CEP63: variants seen among roughly 807,000 people sequenced by gnomAD.
CEP63 encodes centrosomal protein of 63 kDa.
Under a neutral mutation model 89.1 loss-of-function variants are expected in CEP63, and 84 were observed. The observed-to-expected ratio is 0.94, with a 90% CI of 0.79 to 1.13. The LOEUF is 1.13. CEP63 is among the 50% of genes most tolerant of loss of function. The probability of loss-of-function intolerance (pLI) is 0.00; values close to 1 mark genes in which losing one functional copy is unlikely to be tolerated. For synonymous variants in CEP63, 267 were observed against 272.5 expected, an observed-to-expected ratio of 0.98 and a Z score of 0.20; for missense variants, 838 against 813.3, an observed-to-expected ratio of 1.03 and a Z score of -0.37.
At chr3:134,512,791 G>A (rs1195383178) in intron 3 of CEP63, among the ~76,000 whole-genome samples, 2 of 152,122 alleles carry the variant, frequency 1.3e-5, no homozygotes, top group Non-Finnish European at 1.5e-5. Context: ...TTCCAGGAGT[G>A]TATATCTTAA....
At chr3:134,488,199 A>G (rs968722841) in intron 1 of CEP63, 5 of 152,268 alleles carry the variant, frequency 3.3e-5, no homozygotes, top group Non-Finnish European at 5.9e-5. Flanking sequence ...TAAACTGCGC[A>G]TGCAAGGAAT....
Position 134,515,207 on chromosome 3 carries a change from T to C in CEP63, c.222+7921T>C, listed in dbSNP as rs548743348. 8.6e-5 allele frequency among the ~76,000 whole-genome samples: 13 copies of C among 152,044 alleles called. No homozygotes were observed. The South Asian group carries it at 2.5e-3, about 29-fold the overall frequency. On this transcript the variant is annotated intron_variant, in intron 3 of 14. Transcript: ENST00000675561. ...TATTAGTAGAGAATATCTTCCATGCTAATAGAGAAAAATGGAATGATAAAA... is the reference window on the plus strand; with the variant it reads ...TATTAGTAGAGAATATCTTCCATGCCAATAGAGAAAAATGGAATGATAAAA...
intron 6 of CEP63, among the ~76,000 whole-genome samples, chr3:134,542,937 G>A (rs374079101): frequency 2.9e-3 from 53 of 18,208 alleles, no homozygotes; most frequent in African/African-American, 8.1e-3. Context: ...TTAGTGGTTA[G>A]TGCAAAAAAA....
intron 11 of CEP63, among the ~76,000 whole-genome samples, chr3:134,573,152 G>T (rs532811899): frequency 6.6e-6 from 1 of 152,216 alleles, no homozygotes; most frequent in South Asian, 2.1e-4. Flanking sequence ...TATAGATTCT[G>T]GATATTAAAT....
At chr3:134,692,009 C>T in the CEP63 span, among the ~76,000 whole-genome samples, 31 of 152,120 alleles carry the variant, frequency 2.0e-4, no homozygotes, top group African/African-American at 6.5e-4. Context: ...CATGCCCAGC[C>T]GGCATTCTTT....
chr3:134,566,959 G>T (rs1362196318), downstream of CEP63, among the ~76,000 whole-genome samples: 3 of 152,058 alleles, frequency 2.0e-5, no homozygotes, highest in Non-Finnish European at 4.4e-5. Context: ...ACAAAAATTT[G>T]TACACAAATG....
At chr3:134,718,184 A>G in the CEP63 span, among the ~76,000 whole-genome samples, 2 of 152,184 alleles carry the variant, frequency 1.3e-5, no homozygotes, top group Non-Finnish European at 2.9e-5. Context: ...GTCCAATGAA[A>G]ATCAGTTTTG....
At chr3:134,638,686 A>T in the CEP63 span, among the ~76,000 whole-genome samples, 2 of 152,224 alleles carry the variant, frequency 1.3e-5, no homozygotes, top group Non-Finnish European at 2.9e-5. Context: ...ACAGGCAAGC[A>T]CAAGAATGTC....
intron 3 of CEP63, among the ~76,000 whole-genome samples, chr3:134,518,205 T>C (rs1437794554): frequency 6.6e-6 from 1 of 152,164 alleles, no homozygotes; most frequent in African/African-American, 2.4e-5. Context: ...ATGGTAATCA[T>C]GGAAGACTTA....
At chr3:134,666,155 T>C in the CEP63 span, among the ~76,000 whole-genome samples, 1 of 152,150 alleles carries the variant, frequency 6.6e-6, no homozygotes, top group East Asian at 1.9e-4. Flanking sequence ...GGGCAAGCTC[T>C]CTGATGGAAG....
the CEP63 span, among the ~76,000 whole-genome samples, chr3:134,702,454 C>G: frequency 2.0e-5 from 3 of 151,064 alleles, no homozygotes; most frequent in East Asian, 5.8e-4. Flanking sequence ...GGAGGCATCA[C>G]GCTACCTGAC....
chr3:134,754,646 T>G, the CEP63 span, among the ~76,000 whole-genome samples: 3 of 152,250 alleles, frequency 2.0e-5, no homozygotes, highest in African/African-American at 7.2e-5. Context: ...CACTCAGAAG[T>G]TGGGAGTGTG....
rs111981998 is a variant in CEP63, at chr3:134,550,001, A to G, written c.1183-62A>G. The G allele has an allele frequency of 1.2e-4, 142 of 1,152,410 alleles. 1 individual carries two copies. The highest frequency in any genetic ancestry group is 2.3e-4 in the African/African-American group (15 of 65,652). The allele number at this position is 1,152,410 out of a possible 1,614,324, so 71.4% of individuals were successfully genotyped here. On this transcript the variant is annotated intron_variant, in intron 10 of 14. Transcript: ENST00000675561. Reference sequence around the variant, plus strand: ...AACTTTTATTTTATTAGCTAGTAACATATTATTCTATCTAAATGCTTTCTC... The same window carrying G: ...AACTTTTATTTTATTAGCTAGTAACGTATTATTCTATCTAAATGCTTTCTC...
At chr3:134,497,205 C>T (rs1439404848) in intron 2 of CEP63, among the ~76,000 whole-genome samples, 1 of 152,084 alleles carries the variant, frequency 6.6e-6, no homozygotes, top group Non-Finnish European at 1.5e-5. Context: ...AATATTTTCT[C>T]CCATTCTACA....
At chr3:134,682,941 C>T in the CEP63 span, among the ~76,000 whole-genome samples, 46 of 152,292 alleles carry the variant, frequency 3.0e-4, no homozygotes, top group African/African-American at 1.0e-3. Flanking sequence ...CATTAAAGGG[C>T]GTTTAGTAGG....
the CEP63 span, chr3:134,620,688 G>C: frequency 4.1e-5 from 49 of 1,186,634 alleles, no homozygotes; most frequent in African/African-American, 6.9e-4. Context: ...GATAGGAGCA[G>C]AGGCCTGCAG....
chr3:134,581,885 C>T (rs1958362297), intron 10 of CEP63, among the ~76,000 whole-genome samples: 1 of 151,434 alleles, frequency 6.6e-6, no homozygotes, highest in Admixed American at 6.6e-5. Flanking sequence ...CCGTGTTAGC[C>T]AGGATGGTCT....
In CEP63 at chr3:134,545,574, CTG is replaced by C. The variant is rs1332736375; in HGVS notation, c.556-8_556-7del. 6.3e-7 allele frequency: 1 copy of C among 1,579,274 alleles called. No homozygotes were observed. The highest frequency in any genetic ancestry group is 8.7e-7 in the Non-Finnish European group (1 of 1,148,322). On this transcript the variant is annotated splice_polypyrimidine_tract_variant and intron_variant, in intron 6 of 14. Coordinates refer to ENST00000675561, the MANE Select transcript of CEP63 (RefSeq NM_001353108.3). The stretch of plus-strand genomic sequence containing the variant: ...TCCCTTTTACCTATTGATTGATAGT[CTG>C]TGTTTCTAGGCTCAGCTTGTCAATC...
At chr3:134,628,845 C>A in the CEP63 span, among the ~76,000 whole-genome samples, 2 of 152,142 alleles carry the variant, frequency 1.3e-5, no homozygotes, top group African/African-American at 4.8e-5. Context: ...GTCAGTCGAC[C>A]CTAGAGCCTG....
Sources: allele counts gnomAD v4.1 joint callset (sites outside exome capture counted in the v4.1 genomes callset), GRCh38; gene constraint gnomAD v4.1.1; transcripts MANE v1.5; gene names NCBI Gene and HGNC (gene_info 2026-07-23, HGNC 2026-07-21).